The following FARS2 variants were observed in gnomAD, a reference collection of about 807,000 sequenced individuals.
The protein encoded by FARS2 is phenylalanyl-tRNA synthetase 2, mitochondrial, also known as phenylalanine--tRNA ligase, mitochondrial.
In FARS2, 40 loss-of-function variants were observed where a neutral mutation model predicts 46.4. The ratio of observed to expected loss-of-function variants is 0.86; its 90% CI spans 0.67 to 1.12. The LOEUF is 1.12. Among genes scored for constraint, FARS2 ranks in the 50% most tolerant of loss-of-function variants. The pLI is 0.00. For missense variants in FARS2, 513 were observed against 567.9 expected, an observed-to-expected ratio of 0.90 and a Z score of 0.98; for synonymous variants, 234 against 214.9, an observed-to-expected ratio of 1.09 and a Z score of -0.78.
chr6:5,383,958 CTGTT>C (rs1759958440), intron 2 of FARS2, among the ~76,000 whole-genome samples: 1 of 151,770 alleles, frequency 6.6e-6, no homozygotes, highest in African/African-American at 2.4e-5. Flanking sequence ...CTCTTTCTCT[CTGTT>C]TGATCTGTCA....
chr6:5,388,712 T>C (rs1240593660), intron 2 of FARS2, among the ~76,000 whole-genome samples: 1 of 152,146 alleles, frequency 6.6e-6, no homozygotes, highest in Non-Finnish European at 1.5e-5. Flanking sequence ...TAGTATTTGC[T>C]GATGAATTCA....
chr6:5,599,922 C>T (rs1408310196), intron 5 of FARS2, among the ~76,000 whole-genome samples: 1 of 151,584 alleles, frequency 6.6e-6, no homozygotes. Context: ...TAAGTTCAGG[C>T]AGGGGCATTG....
At chr6:5,429,770 G>A (rs985808367) in intron 3 of FARS2, among the ~76,000 whole-genome samples, 8 of 152,168 alleles carry the variant, frequency 5.3e-5, no homozygotes, top group African/African-American at 1.7e-4. Context: ...TGATTGGGGA[G>A]CCACTGCAGT....
At chr6:5,615,965 C>T (rs1367557485) in intron 6 of FARS2, among the ~76,000 whole-genome samples, 1 of 140,578 alleles carries the variant, frequency 7.1e-6, no homozygotes, top group East Asian at 2.3e-4. Flanking sequence ...ATTATCAACA[C>T]TTGGAGATAG....
chr6:5,425,458 A>T (rs73350601), intron 3 of FARS2, among the ~76,000 whole-genome samples: 1 of 152,184 alleles, frequency 6.6e-6, no homozygotes, highest in Non-Finnish European at 1.5e-5. Flanking sequence ...AAATGTTTAT[A>T]GTATGTCAGA....
chr6:5,689,401 T>G (rs1262841873), intron 6 of FARS2, among the ~76,000 whole-genome samples: 1 of 152,186 alleles, frequency 6.6e-6, no homozygotes, highest in Admixed American at 6.5e-5. Flanking sequence ...ATGTTGTGTC[T>G]TTGTTCTCGT....
rs564654275 is a variant in FARS2 at position 5,635,422 on chromosome 6, G to A, written c.1217+22102G>A. On this transcript the variant is annotated intron_variant, in intron 6 of 6. Transcript: ENST00000274680. ...TAATTGTTTTTGATAGAAAAAAGAG[G>A]AAAAAATAATAAAGCAGGTTGAAGA... is the stretch of plus-strand genomic sequence containing the variant. Among the ~76,000 whole-genome samples the A allele has an allele frequency of 4.1e-4, 62 of 152,198 alleles. 1 individual carries two copies. The South Asian group carries it at 0.013, about 31-fold the overall frequency.
intron 4 of FARS2, among the ~76,000 whole-genome samples, chr6:5,485,334 G>A (rs1420452856): frequency 6.6e-6 from 1 of 152,082 alleles, no homozygotes; most frequent in East Asian, 1.9e-4. Context: ...TTGTTTTGGA[G>A]GCTGACTGTA....
At chr6:5,279,888 A>G (rs1030827787) in intron 1 of FARS2, among the ~76,000 whole-genome samples, 1 of 152,222 alleles carries the variant, frequency 6.6e-6, no homozygotes, top group Non-Finnish European at 1.5e-5. Flanking sequence ...TGCTGATTCA[A>G]GTGTTAATCT....
At chr6:5,581,766 C>T (rs879536855) in intron 5 of FARS2, among the ~76,000 whole-genome samples, 2 of 151,488 alleles carry the variant, frequency 1.3e-5, no homozygotes, top group Non-Finnish European at 2.9e-5. Flanking sequence ...ATTCCTGATG[C>T]GCTTTTCTAA....
At chr6:5,359,438 T>C (rs1042582640) in intron 1 of FARS2, among the ~76,000 whole-genome samples, 1 of 152,190 alleles carries the variant, frequency 6.6e-6, no homozygotes, top group African/African-American at 2.4e-5. Flanking sequence ...ATTAGACTTA[T>C]TTTTTTAAAA....
At chr6:5,539,627 T>C (rs1770488405) in intron 4 of FARS2, among the ~76,000 whole-genome samples, 1 of 151,952 alleles carries the variant, frequency 6.6e-6, no homozygotes, top group African/African-American at 2.4e-5. Flanking sequence ...AATTGGAAGT[T>C]GTATTTGTGA....
intron 6 of FARS2, among the ~76,000 whole-genome samples, chr6:5,717,349 ATATGTG>A (rs1759560169): frequency 1.1e-5 from 1 of 91,158 alleles, no homozygotes; most frequent in Admixed American, 1.1e-4. Context: ...ATAGATATGT[ATATGTG>A]TGTGTGTGTG....
intron 5 of FARS2, chr6:5,609,713 A>G: frequency 6.8e-7 from 1 of 1,467,240 alleles, no homozygotes; most frequent in Non-Finnish European, 9.4e-7. Flanking sequence ...AGTCTTATCC[A>G]CGGAGTCATG....
intron 6 of FARS2, among the ~76,000 whole-genome samples, chr6:5,668,378 T>C (rs1778253023): frequency 6.6e-6 from 1 of 152,228 alleles, no homozygotes; most frequent in South Asian, 2.1e-4. Context: ...AGCTCGGGAA[T>C]GACTATTGGA....
chr6:5,397,744 C>T (rs1038774786), intron 2 of FARS2, among the ~76,000 whole-genome samples: 1 of 152,122 alleles, frequency 6.6e-6, no homozygotes, highest in Non-Finnish European at 1.5e-5. Context: ...TCTAGGATTA[C>T]ATGTTATATT....
At chr6:5,363,585 G>T (rs1316098244) in intron 1 of FARS2, among the ~76,000 whole-genome samples, 3 of 152,106 alleles carry the variant, frequency 2.0e-5, no homozygotes, top group Non-Finnish European at 2.9e-5. Flanking sequence ...GTGTTTGTGT[G>T]TTCTACTCTC....
At chr6:5,464,544 G>A (rs182971302) in intron 4 of FARS2, among the ~76,000 whole-genome samples, 10 of 152,236 alleles carry the variant, frequency 6.6e-5, no homozygotes, top group East Asian at 5.8e-4. Flanking sequence ...TCTCTGTTTC[G>A]AATGCTCTCC....
rs550220836 is a variant in FARS2, at chr6:5,470,164, C to T, written c.904+38992C>T. Among the ~76,000 whole-genome samples, 109 of 152,256 alleles carry T rather than the reference C, an allele frequency of 7.2e-4. 1 individual carries two copies. Among genetic ancestry groups the T allele is most frequent in the African/African-American group, 2.6e-3 (107 of 41,540 alleles). ...CAGAATTTCTTTAATACAGTTGGCC[C>T]TCCATACCTGCAGGTTCTGCATCCG... On this transcript the variant is annotated intron_variant, in intron 4 of 6. Coordinates refer to ENST00000274680, the MANE Select transcript of FARS2 (RefSeq NM_006567.5).
Sources: allele counts gnomAD v4.1 joint callset (sites outside exome capture counted in the v4.1 genomes callset), GRCh38; gene constraint gnomAD v4.1.1; transcripts MANE v1.5; gene names NCBI Gene and HGNC (gene_info 2026-07-23, HGNC 2026-07-21).